The following FOXN3 variants were observed in gnomAD, a reference collection of about 807,000 sequenced individuals.
FOXN3 encodes forkhead box protein N3.
In FOXN3, 7 loss-of-function variants were observed where a neutral mutation model predicts 38.4. That is an observed-to-expected ratio of 0.18 (90% CI 0.10 to 0.34). The LOEUF is 0.34. FOXN3 is among the 10% of genes least tolerant of loss of function. FOXN3 has a pLI of 1.00. For missense variants in FOXN3, 456 were observed against 613.4 expected, an observed-to-expected ratio of 0.74 and a Z score of 2.71; for synonymous variants, 230 against 242.2, an observed-to-expected ratio of 0.95 and a Z score of 0.47.
Position 89,291,429 on chromosome 14 carries a change from T to G in FOXN3, c.681-10415A>C, listed in dbSNP as rs986179580. 1.1e-5 allele frequency: 7 copies of G among 610,980 alleles called. No homozygotes were observed. The African/African-American group carries it at 1.3e-4, about 11-fold the overall frequency. 37.8% of individuals were successfully genotyped at this position (610,980 alleles called of 1,614,324 possible). ...CTGTTCTTTAAAAACTTGGCCACCA[T>G]GCTGTTCATCAGCTTATCAAAGGCT... On this transcript the variant is annotated intron_variant, in intron 3 of 5. Transcript: ENST00000557258.
intron 1 of FOXN3, chr14:89,576,469 G>A (rs1331147240): frequency 1.3e-5 from 2 of 150,372 alleles, no homozygotes; most frequent in African/African-American, 4.9e-5. Flanking sequence ...ATAACACTCA[G>A]ACAAGGAAGG....
intron 2 of FOXN3, among the ~76,000 whole-genome samples, chr14:89,369,342 G>A (rs1890246256): frequency 6.6e-6 from 1 of 152,192 alleles, no homozygotes; most frequent in East Asian, 1.9e-4. Flanking sequence ...AGCAACAGCA[G>A]CACTGGCAGT....
chr14:89,292,533 C>T (rs1276213813), intron 3 of FOXN3, among the ~76,000 whole-genome samples: 1 of 152,164 alleles, frequency 6.6e-6, no homozygotes, highest in Non-Finnish European at 1.5e-5. Flanking sequence ...CAGGAGGGCT[C>T]CTTCCTCATG....
chr14:89,177,412 G>A (rs931578040), intron 5 of FOXN3, among the ~76,000 whole-genome samples: 1 of 152,172 alleles, frequency 6.6e-6, no homozygotes, highest in Non-Finnish European at 1.5e-5. Context: ...CTCCTATGAT[G>A]CTCAGGAAAG....
chr14:89,363,040 C>T (rs913672373), intron 2 of FOXN3, among the ~76,000 whole-genome samples: 32 of 152,064 alleles, frequency 2.1e-4, no homozygotes, highest in African/African-American at 4.3e-4. Context: ...GAAGTGATTA[C>T]AAAGGATTAC....
intron 1 of FOXN3, among the ~76,000 whole-genome samples, chr14:89,524,800 T>G (rs2139827005): frequency 6.6e-6 from 1 of 152,274 alleles, no homozygotes; most frequent in South Asian, 2.1e-4. Context: ...TTAAAATCCT[T>G]CACATAAAAA....
intron 3 of FOXN3, among the ~76,000 whole-genome samples, chr14:89,301,246 A>G (rs1256280505): frequency 6.6e-6 from 1 of 152,014 alleles, no homozygotes; most frequent in Non-Finnish European, 1.5e-5. Context: ...TGAGGCAGGA[A>G]GACTGCTTGA....
chr14:89,502,078 G>T (rs1284024940), intron 1 of FOXN3, among the ~76,000 whole-genome samples: 2 of 152,158 alleles, frequency 1.3e-5, no homozygotes, highest in Non-Finnish European at 2.9e-5. Context: ...CTAAGCAGGG[G>T]AATCGCTTGA....
At chr14:89,576,181 A>C (rs1895612857) in intron 1 of FOXN3, 1 of 152,252 alleles carries the variant, frequency 6.6e-6, no homozygotes, top group African/African-American at 2.4e-5. Flanking sequence ...AGCACATTGT[A>C]GAACAATATA....
intron 4 of FOXN3, among the ~76,000 whole-genome samples, chr14:89,268,067 C>T (rs1886037523): frequency 6.6e-6 from 1 of 152,142 alleles, no homozygotes; most frequent in South Asian, 2.1e-4. Flanking sequence ...AACATATATG[C>T]ACCTACACAC....
At chr14:89,290,513 C>T in intron 3 of FOXN3, 1 of 508,008 alleles carries the variant, frequency 2.0e-6, no homozygotes, top group South Asian at 1.6e-5. Flanking sequence ...AGTTTACTTT[C>T]CCTTTCATCG....
chr14:89,492,742 C>T (rs1893608344), intron 1 of FOXN3, among the ~76,000 whole-genome samples: 1 of 152,140 alleles, frequency 6.6e-6, no homozygotes, highest in African/African-American at 2.4e-5. Flanking sequence ...AAAAACAACC[C>T]CCATAGAAGA....
intron 1 of FOXN3, among the ~76,000 whole-genome samples, chr14:89,485,109 G>A (rs552958560): frequency 1.4e-5 from 2 of 146,346 alleles, no homozygotes; most frequent in East Asian, 2.0e-4. Context: ...CAGAGATGGC[G>A]CCACTGCACT....
At chr14:89,581,175 C>T (rs1895731023) in intron 1 of FOXN3, among the ~76,000 whole-genome samples, 1 of 151,864 alleles carries the variant, frequency 6.6e-6, no homozygotes, top group South Asian at 2.1e-4. Flanking sequence ...GAGTGAGACC[C>T]TGTCTCAGAA....
At chr14:89,392,637 C>CTTT (rs71130072) in intron 2 of FOXN3, among the ~76,000 whole-genome samples, 35 of 119,296 alleles carry the variant, frequency 2.9e-4, no homozygotes, top group East Asian at 7.9e-4. Flanking sequence ...TGTGTCTCGT[C>CTTT]TTTTTTTTTT....
intron 1 of FOXN3, among the ~76,000 whole-genome samples, chr14:89,490,967 C>T (rs1036637868): frequency 2.0e-5 from 3 of 152,110 alleles, no homozygotes; most frequent in Non-Finnish European, 4.4e-5. Flanking sequence ...AGGAGATACA[C>T]TCCTAATCAT....
chr14:89,448,882 T>C (rs1216253184), intron 1 of FOXN3, among the ~76,000 whole-genome samples: 2 of 151,396 alleles, frequency 1.3e-5, no homozygotes, highest in Non-Finnish European at 2.9e-5. Context: ...GTCAAGGCTG[T>C]AGTGAGAGCT....
intron 2 of FOXN3, among the ~76,000 whole-genome samples, chr14:89,384,975 G>A (rs1039680391): frequency 1.3e-5 from 2 of 152,148 alleles, no homozygotes; most frequent in African/African-American, 4.8e-5. Context: ...ACTTGCACCT[G>A]GAGATTATGT....
chr14:89,576,178 T>C (rs1192996546), intron 1 of FOXN3: 1 of 152,234 alleles, frequency 6.6e-6, no homozygotes, highest in South Asian at 2.1e-4. Context: ...TTTAGCACAT[T>C]GTAGAACAAT....
Sources: allele counts gnomAD v4.1 joint callset (sites outside exome capture counted in the v4.1 genomes callset), GRCh38; gene constraint gnomAD v4.1.1; transcripts MANE v1.5; gene names NCBI Gene and HGNC (gene_info 2026-07-23, HGNC 2026-07-21).